Variants in SLC38A12 observed in about 807,000 individuals in gnomAD.
SLC38A12 encodes putative sodium-coupled neutral amino acid transporter 12.
the SLC38A12 span, chr17:74,777,649 G>A: frequency 2.1e-6 from 3 of 1,405,928 alleles, no homozygotes; most frequent in East Asian, 3.7e-5. Context: ...GCTGGGCACG[G>A]TGGCTCACGC....
the SLC38A12 span, among the ~76,000 whole-genome samples, chr17:74,778,770 G>T: frequency 6.8e-6 from 1 of 146,416 alleles, no homozygotes; most frequent in Non-Finnish European, 1.5e-5. Flanking sequence ...CCAGGTTCAA[G>T]CAATTCTCCT....
At chr17:74,831,703 G>A in the SLC38A12 span, among the ~76,000 whole-genome samples, 1 of 152,232 alleles carries the variant, frequency 6.6e-6, no homozygotes, top group Non-Finnish European at 1.5e-5. Flanking sequence ...AGGCCCTGCT[G>A]GGGGCCGACC....
the SLC38A12 span, chr17:74,819,925 C>T: frequency 6.2e-6 from 8 of 1,296,824 alleles, no homozygotes; most frequent in East Asian, 1.6e-4. Context: ...CGTGCAGGGC[C>T]CCCAGCCGTA....
chr17:74,791,176 C>T, the SLC38A12 span: 1 of 680,028 alleles, frequency 1.5e-6, no homozygotes, highest in Admixed American at 2.7e-5. Flanking sequence ...CCCTCAGCAC[C>T]TGAGAAGCCA....
the SLC38A12 span, among the ~76,000 whole-genome samples, chr17:74,790,772 TAAAAAAAA>T: frequency 7.9e-6 from 1 of 127,016 alleles, no homozygotes; most frequent in Non-Finnish European, 1.7e-5. Context: ...TGAATTCCCT[TAAAAAAAA>T]AAAAAAAAAA....
chr17:74,830,659 C>A, the SLC38A12 span, among the ~76,000 whole-genome samples: 5 of 152,248 alleles, frequency 3.3e-5, no homozygotes, highest in East Asian at 7.7e-4. Flanking sequence ...TGCCTCCTGG[C>A]AGCTCAGTCC....
At chr17:74,837,614 C>G in the SLC38A12 span, 1 of 985,516 alleles carries the variant, frequency 1.0e-6, no homozygotes, top group Non-Finnish European at 1.2e-6. Context: ...CACTCCAACA[C>G]TAAAAGCGGC....
chr17:74,789,917 C>CT, the SLC38A12 span, among the ~76,000 whole-genome samples: 5,870 of 140,378 alleles, frequency 0.042, 155 homozygotes, highest in South Asian at 0.053. Flanking sequence ...GTTCCATGCT[C>CT]TTTTTTTTTC....
the SLC38A12 span, chr17:74,838,921 A>G: frequency 6.5e-7 from 1 of 1,535,750 alleles, no homozygotes. Context: ...GAAGAGCAGA[A>G]GAGGATGCCA....
chr17:74,777,206 C>A, the SLC38A12 span: 1 of 1,109,780 alleles, frequency 9.0e-7, no homozygotes, highest in Non-Finnish European at 1.4e-6. Context: ...GTCTGCAAGC[C>A]TCCTCCCACC....
At chr17:74,794,277 G>A in the SLC38A12 span, among the ~76,000 whole-genome samples, 1 of 152,228 alleles carries the variant, frequency 6.6e-6, no homozygotes, top group Non-Finnish European at 1.5e-5. Flanking sequence ...CTAGAGCCCT[G>A]TGTTCCCAAC....
the SLC38A12 span, among the ~76,000 whole-genome samples, chr17:74,789,401 G>A: frequency 6.6e-6 from 1 of 151,900 alleles, no homozygotes; most frequent in African/African-American, 2.4e-5. Context: ...ATGATGATGT[G>A]TGCCTGTAAT....
the SLC38A12 span, chr17:74,838,773 C>A: frequency 1.4e-6 from 2 of 1,478,352 alleles, no homozygotes; most frequent in Middle Eastern, 2.3e-4. Flanking sequence ...AGAACCCCAA[C>A]AGCAAGAGAG....
the SLC38A12 span, among the ~76,000 whole-genome samples, chr17:74,818,127 G>A: frequency 3.3e-5 from 5 of 152,262 alleles, no homozygotes; most frequent in African/African-American, 7.2e-5. Flanking sequence ...GACCTGCTCC[G>A]CCAGAGTCAA....
At chr17:74,836,833 T>G in the SLC38A12 span, 12 of 1,404,782 alleles carry the variant, frequency 8.5e-6, no homozygotes, top group African/African-American at 4.6e-5. This position sits in a 1 kb window ranked among gnomAD's most constrained non-coding sequence, Gnocchi z 4.2. Flanking sequence ...CAGCTGGGGT[T>G]GTTCTCCCCA....
At chr17:74,822,644 A>G in the SLC38A12 span, among the ~76,000 whole-genome samples, 4 of 152,352 alleles carry the variant, frequency 2.6e-5, no homozygotes, top group East Asian at 7.7e-4. Flanking sequence ...TTTCTCCATG[A>G]GAGACTCAGA....
the SLC38A12 span, among the ~76,000 whole-genome samples, chr17:74,780,521 A>T: frequency 1.6e-4 from 24 of 152,200 alleles, no homozygotes; most frequent in African/African-American, 3.6e-4. Context: ...ACTGCTTCCC[A>T]GGAGTCTGGC....
At chr17:74,784,703 TAGAA>T in the SLC38A12 span, among the ~76,000 whole-genome samples, 1 of 151,976 alleles carries the variant, frequency 6.6e-6, no homozygotes, top group Non-Finnish European at 1.5e-5. Flanking sequence ...GTTGAGATCT[TAGAA>T]AGGGAATCAT....
chr17:74,826,265 C>G, the SLC38A12 span, among the ~76,000 whole-genome samples: 1 of 152,192 alleles, frequency 6.6e-6, no homozygotes. Context: ...GGCTTGATTG[C>G]TCCAGAGGCT....
Sources: gnomAD v4.1 joint callset for allele counts (sites outside exome capture counted in the v4.1 genomes callset) on GRCh38, gnomAD v4.1.1 for gene constraint, Gnocchi (gnomAD v3.1) non-coding constraint, MANE v1.5 for transcripts, NCBI Gene and HGNC (gene_info 2026-07-23, HGNC 2026-07-21) for gene names.